GMDS: variants seen among roughly 807,000 people sequenced by gnomAD.
GMDS encodes the protein GDP-mannose 4,6 dehydratase.
A neutral mutation model predicts 49.9 loss-of-function variants in GMDS; 20 were observed. The observed-to-expected ratio is 0.40, with a 90% confidence interval of 0.28 to 0.58. The LOEUF is 0.58. Ranked by LOEUF, GMDS falls within the 20% of genes least tolerant of loss-of-function variation. The pLI is 0.42. For missense variants in GMDS, 362 were observed against 481.4 expected (o/e 0.75, Z 2.32); for synonymous variants, 177 against 178.6 (o/e 0.99, Z 0.07).
At chr6:2,146,395 A>C (rs1191059410) in intron 1 of GMDS, among the ~76,000 whole-genome samples, 2 of 152,206 alleles carry the variant, frequency 1.3e-5, no homozygotes, top group African/African-American at 4.8e-5. Context: ...AAGAGGAAGG[A>C]AGACAGTCGA....
chr6:2,177,307 T>C (rs1778328484), intron 1 of GMDS, among the ~76,000 whole-genome samples: 3 of 152,230 alleles, frequency 2.0e-5, no homozygotes, highest in South Asian at 4.2e-4. Context: ...GTAGTAACTA[T>C]GAAGACAAAA....
At chr6:2,148,206 G>C (rs1382729396) in intron 1 of GMDS, among the ~76,000 whole-genome samples, 1 of 152,130 alleles carries the variant, frequency 6.6e-6, no homozygotes, top group Non-Finnish European at 1.5e-5. Flanking sequence ...CTTGCTAGAA[G>C]GGCTGATCCA....
intron 1 of GMDS, among the ~76,000 whole-genome samples, chr6:2,207,244 G>A (rs1397651810): frequency 6.6e-6 from 1 of 151,778 alleles, no homozygotes; most frequent in African/African-American, 2.4e-5. Context: ...TGGAGCTCCA[G>A]ACATCACATC....
At chr6:1,639,685 G>C (rs539292361) in intron 9 of GMDS, among the ~76,000 whole-genome samples, 3 of 152,198 alleles carry the variant, frequency 2.0e-5, no homozygotes, top group African/African-American at 7.2e-5. Flanking sequence ...TCACAAGTTC[G>C]AGATTAGCCT....
intron 4 of GMDS, among the ~76,000 whole-genome samples, chr6:2,105,325 A>C (rs1232072816): frequency 6.6e-6 from 1 of 152,234 alleles, no homozygotes; most frequent in African/African-American, 2.4e-5. Context: ...ATATTGTGAC[A>C]TAATAATCGA....
chr6:1,719,481 G>A (rs1766290426), intron 9 of GMDS, among the ~76,000 whole-genome samples: 1 of 152,166 alleles, frequency 6.6e-6, no homozygotes, highest in Admixed American at 6.5e-5. Flanking sequence ...TAACTTTATC[G>A]AGAGCATGAG....
intron 6 of GMDS, among the ~76,000 whole-genome samples, chr6:1,953,872 T>G (rs756246020): frequency 6.6e-6 from 1 of 152,182 alleles, no homozygotes; most frequent in Non-Finnish European, 1.5e-5. Flanking sequence ...ACAACTTATA[T>G]AATAATTAAT....
chr6:1,625,497 G>GA (rs1351467673), intron 9 of GMDS: 1 of 152,230 alleles, frequency 6.6e-6, no homozygotes, highest in Non-Finnish European at 1.5e-5. Context: ...TCCACTCGAG[G>GA]AAACAAGGGC....
At chr6:2,182,863 T>C (rs1256673371) in intron 1 of GMDS, among the ~76,000 whole-genome samples, 9 of 152,150 alleles carry the variant, frequency 5.9e-5, no homozygotes, top group African/African-American at 9.7e-5. Context: ...TGCATCACCA[T>C]GCCAGGCTAA....
intron 7 of GMDS, among the ~76,000 whole-genome samples, chr6:1,792,143 TTCTATATAAATATTATTTTCTTCAGAG>T (rs1262734158): frequency 6.6e-6 from 1 of 152,196 alleles, no homozygotes; most frequent in African/African-American, 2.4e-5. Context: ...AATTATTAGT[TTCTATATAAATATTATTTTCTTCAGAG>T]TCAACTAGTA....
intron 4 of GMDS, among the ~76,000 whole-genome samples, chr6:2,115,425 T>C (rs1362890218): frequency 6.6e-6 from 1 of 152,226 alleles, no homozygotes. Flanking sequence ...TTTTACTTAG[T>C]TACATCTTCC....
chr6:1,997,418 G>A (rs764773049), intron 4 of GMDS, among the ~76,000 whole-genome samples: 1 of 148,914 alleles, frequency 6.7e-6, no homozygotes, highest in Non-Finnish European at 1.5e-5. Flanking sequence ...TGAGGCAGGA[G>A]ATTTGTTTGA....
intron 7 of GMDS, among the ~76,000 whole-genome samples, chr6:1,792,075 C>G (rs914740054): frequency 6.6e-6 from 1 of 152,140 alleles, no homozygotes; most frequent in Non-Finnish European, 1.5e-5. Context: ...TACTTTTAAA[C>G]TCACTTCCCC....
intron 7 of GMDS, among the ~76,000 whole-genome samples, chr6:1,821,607 A>C (rs962366364): frequency 1.2e-5 from 1 of 82,906 alleles, no homozygotes; most frequent in Non-Finnish European, 2.3e-5. Flanking sequence ...CTAACAATTT[A>C]TTTGTTTTTT....
intron 9 of GMDS, among the ~76,000 whole-genome samples, chr6:1,711,442 A>G (rs1361789224): frequency 1.3e-5 from 2 of 152,230 alleles, no homozygotes; most frequent in South Asian, 2.1e-4. Flanking sequence ...TGCTTAAAGT[A>G]GTAGTATTGC....
intron 7 of GMDS, among the ~76,000 whole-genome samples, chr6:1,835,217 A>G (rs1756870609): frequency 6.6e-6 from 1 of 152,148 alleles, no homozygotes; most frequent in South Asian, 2.1e-4. Context: ...CTGGCTGAAG[A>G]ACACCCTAAG....
chr6:2,215,974 G>A (rs978545793), intron 1 of GMDS, among the ~76,000 whole-genome samples: 1 of 152,064 alleles, frequency 6.6e-6, no homozygotes, highest in Admixed American at 6.5e-5. Flanking sequence ...TAAAAAATTT[G>A]GAAGGGGATC....
At chr6:1,966,285 G>A (rs79347012) in intron 4 of GMDS, among the ~76,000 whole-genome samples, 1 of 150,604 alleles carries the variant, frequency 6.6e-6, no homozygotes, top group South Asian at 2.1e-4. Flanking sequence ...CAATCACAAA[G>A]AGAGTTGCAT....
intron 7 of GMDS, among the ~76,000 whole-genome samples, chr6:1,838,449 G>A (rs1261726679): frequency 6.6e-6 from 1 of 152,242 alleles, no homozygotes. Flanking sequence ...AGTTCAGCCT[G>A]CAGAAGTTGG....
Sources: allele counts gnomAD v4.1 joint callset (sites outside exome capture counted in the v4.1 genomes callset), GRCh38; gene constraint gnomAD v4.1.1; transcripts MANE v1.5; gene names NCBI Gene and HGNC (gene_info 2026-07-23, HGNC 2026-07-21).